Variants in CMTR1 observed in about 807,000 individuals in gnomAD.
CMTR1 encodes cap-specific mRNA (nucleoside-2'-O-)-methyltransferase 1.
In CMTR1, 39 loss-of-function variants were observed where a neutral mutation model predicts 107.0. The ratio of observed to expected loss-of-function variants is 0.36; its 90% CI spans 0.28 to 0.48. The LOEUF (loss-of-function observed/expected upper bound fraction) is 0.48. Ranked by LOEUF, CMTR1 falls within the 20% of genes least tolerant of loss-of-function variation. CMTR1 has a pLI of 0.99. For missense variants in CMTR1, 672 were observed against 1,064.9 expected (o/e 0.63, Z 5.14); for synonymous variants, 366 against 379.5 (o/e 0.96, Z 0.41).
rs540484814 is a variant in CMTR1, at chr6:37,437,541, A to G, written c.133+1779A>G. Among the ~76,000 whole-genome samples, 7 of 147,666 alleles carry G rather than the reference A, an allele frequency of 4.7e-5. No homozygotes were observed. In the East Asian group the frequency reaches 1.4e-3, roughly 29 times the overall value. On this transcript the variant is annotated intron_variant, in intron 2 of 23. Coordinates refer to ENST00000373451, the MANE Select transcript of CMTR1 (RefSeq NM_015050.3). Reference sequence around the variant, plus strand: ...CAAAAAAAAAAAAAAAAAGCTCATCAGCTGTTGTTAGTGTATTTTATGTGT... The same window carrying G: ...CAAAAAAAAAAAAAAAAAGCTCATCGGCTGTTGTTAGTGTATTTTATGTGT...
At chr6:37,429,763 C>T (rs975581518), upstream of CMTR1, among the ~76,000 whole-genome samples, 1 of 152,094 alleles carries the variant, frequency 6.6e-6, no homozygotes, top group Non-Finnish European at 1.5e-5. Context: ...TATGGTAAAA[C>T]CCAGTCTCTA....
chr6:37,433,893 A>G (rs925174651), intron 1 of CMTR1, among the ~76,000 whole-genome samples: 5 of 152,164 alleles, frequency 3.3e-5, no homozygotes, highest in Non-Finnish European at 7.3e-5. Context: ...GTTGGATGAG[A>G]TGATTTGGAA....
intron 13 of CMTR1, 72 bp from the exon 14 acceptor site, chr6:37,470,949 C>T (rs889209078): frequency 2.3e-6 from 3 of 1,325,984 alleles, no homozygotes; most frequent in African/African-American, 2.9e-5. Flanking sequence ...TCCCGTTTAA[C>T]CTCTCTGTCC....
At chr6:37,457,941 T>G (rs190021359) in intron 8 of CMTR1, among the ~76,000 whole-genome samples, 6 of 152,278 alleles carry the variant, frequency 3.9e-5, no homozygotes, top group Admixed American at 3.9e-4. Context: ...TGGTGCCTCT[T>G]TTTCCCTATC....
chr6:37,462,429 G>A (rs1231766037), intron 12 of CMTR1, among the ~76,000 whole-genome samples: 1 of 152,204 alleles, frequency 6.6e-6, no homozygotes, highest in African/African-American at 2.4e-5. Context: ...AGGCACTACT[G>A]GGGTCCCAGT....
chr6:37,462,410 G>A (rs1040671685), intron 12 of CMTR1, among the ~76,000 whole-genome samples: 5 of 152,176 alleles, frequency 3.3e-5, no homozygotes, highest in African/African-American at 9.7e-5. Flanking sequence ...GCAAGGAGCC[G>A]CTATCCAGAG....
At chr6:37,445,725 C>T (rs1771779227) in intron 3 of CMTR1, among the ~76,000 whole-genome samples, 1 of 151,932 alleles carries the variant, frequency 6.6e-6, no homozygotes. Context: ...TATCTCCTGA[C>T]CTCGTGATCC....
chr6:37,453,432 T>G, intron 8 of CMTR1, 120 bp downstream of exon 8: 1 of 939,178 alleles, frequency 1.1e-6, no homozygotes, highest in Non-Finnish European at 1.7e-6. Context: ...GGAGATACTT[T>G]GCTTTGAGCT....
At chr6:37,442,750 T>C (rs1771701697) in intron 2 of CMTR1, among the ~76,000 whole-genome samples, 1 of 152,230 alleles carries the variant, frequency 6.6e-6, no homozygotes, top group African/African-American at 2.4e-5. Context: ...GATGGATCAC[T>C]TAAGATTGGC....
chr6:37,425,485 G>C, the CMTR1 span, among the ~76,000 whole-genome samples: 3 of 151,548 alleles, frequency 2.0e-5, no homozygotes, highest in South Asian at 6.2e-4. Flanking sequence ...TAGTAGAGAC[G>C]GGGTTGTACC....
At chr6:37,444,398 A>G (rs1207492019) in intron 3 of CMTR1, among the ~76,000 whole-genome samples, 2 of 152,184 alleles carry the variant, frequency 1.3e-5, no homozygotes, top group African/African-American at 2.4e-5. Flanking sequence ...TTTCATATCC[A>G]TAGTAATGAA....
At chr6:37,471,747 C>A in intron 14 of CMTR1, 100 bp from the exon 15 acceptor site, 2 of 993,784 alleles carry the variant, frequency 2.0e-6, no homozygotes, top group Admixed American at 2.0e-5. Context: ...CTCACATGTT[C>A]ATTCATTCAG....
At position 37,472,697 on chromosome 6, in the gene CMTR1, T is replaced by G. The variant is rs1304369538; in HGVS notation, c.1689+210T>G. The stretch of plus-strand genomic sequence containing the variant: ...AGAGCACAGTCAGGCCAACGGAAGA[T>G]TCTCATGTTCAGTGCTTGGGCTCAG... On this transcript the variant is annotated intron_variant, in intron 16 of 23. Transcript: ENST00000373451. This position sits in a 1 kb window ranked among gnomAD's most constrained non-coding sequence, Gnocchi z 4.1. Among the ~76,000 whole-genome samples the G allele has an allele frequency of 6.6e-6, 1 of 152,134 alleles. No individual in the cohort carries two copies. The highest frequency in any genetic ancestry group is 1.9e-4 in the East Asian group (1 of 5,192).
intron 18 of CMTR1, among the ~76,000 whole-genome samples, chr6:37,474,884 T>C (rs1761706336): frequency 6.6e-6 from 1 of 152,186 alleles, no homozygotes; most frequent in East Asian, 1.9e-4. Context: ...CTCTGTGCAT[T>C]GAGGGCCCTG....
intron 18 of CMTR1, 93 bp from the exon 19 acceptor site, chr6:37,475,228 G>A: frequency 2.1e-6 from 2 of 974,060 alleles, no homozygotes; most frequent in Non-Finnish European, 3.3e-6. Flanking sequence ...TCCCCCAGCT[G>A]TAGGCAGAAT....
At chr6:37,474,127 G>T (rs141111036) in intron 17 of CMTR1, among the ~76,000 whole-genome samples, 296 of 152,288 alleles carry the variant, frequency 1.9e-3, no homozygotes, top group African/African-American at 6.8e-3. Flanking sequence ...GTCTTCCTCA[G>T]TTACTTCTTT....
At chr6:37,437,653 G>T (rs2113862527) in intron 2 of CMTR1, among the ~76,000 whole-genome samples, 1 of 152,262 alleles carries the variant, frequency 6.6e-6, no homozygotes, top group South Asian at 2.1e-4. Context: ...TCCAGGGTAG[G>T]TAGGAATTGA....
At chr6:37,430,943 G>A (rs1349136252), upstream of CMTR1, among the ~76,000 whole-genome samples, 2 of 150,872 alleles carry the variant, frequency 1.3e-5, no homozygotes, top group South Asian at 4.2e-4. Flanking sequence ...GAACCTGGAG[G>A]TGGTGCTTGC....
chr6:37,474,696 G>C, intron 18 of CMTR1, 50 bp downstream of exon 18: 1 of 1,603,986 alleles, frequency 6.2e-7, no homozygotes, highest in Non-Finnish European at 8.5e-7. Flanking sequence ...GGGGACTAGG[G>C]GGCTGCTGAA....
Sources: allele counts gnomAD v4.1 joint callset (sites outside exome capture counted in the v4.1 genomes callset), GRCh38; gene constraint gnomAD v4.1.1; non-coding constraint Gnocchi (gnomAD v3.1); transcripts MANE v1.5; gene names NCBI Gene and HGNC (gene_info 2026-07-23, HGNC 2026-07-21).